Variants in ROBO2 observed in about 807,000 individuals in gnomAD.
ROBO2 encodes roundabout homolog 2.
ROBO2 carries 53 observed loss-of-function variants against 160.8 expected under a neutral mutation model. That is an observed-to-expected ratio of 0.33 (90% CI 0.26 to 0.41). The LOEUF (loss-of-function observed/expected upper bound fraction) is 0.41. ROBO2 is among the 10% of genes least tolerant of loss of function. ROBO2 has a pLI of 1.00. For synonymous variants in ROBO2, 664 were observed against 611.7 expected (o/e 1.09, Z -1.26); for missense variants, 1,577 against 1,722.4 (o/e 0.92, Z 1.49).
At chr3:76,435,318 C>G in intron 2 of ROBO2, 2 of 846,230 alleles carry the variant, frequency 2.4e-6, no homozygotes, top group Non-Finnish European at 4.2e-6. Flanking sequence ...GATGAACACC[C>G]TCATTCCTAC....
chr3:76,530,943 C>G (rs1021828968), intron 2 of ROBO2, among the ~76,000 whole-genome samples: 3 of 152,174 alleles, frequency 2.0e-5, no homozygotes, highest in Non-Finnish European at 4.4e-5. Context: ...ACTTCCCACG[C>G]TTGTATCCCC....
At chr3:76,470,164 C>A (rs1577415971) in intron 2 of ROBO2, among the ~76,000 whole-genome samples, 1 of 152,106 alleles carries the variant, frequency 6.6e-6, no homozygotes. Context: ...GTATGGCTGC[C>A]TTGGAGGTCT....
At chr3:77,229,502 A>T (rs1177822172) in intron 2 of ROBO2, among the ~76,000 whole-genome samples, 2 of 142,450 alleles carry the variant, frequency 1.4e-5, no homozygotes, top group African/African-American at 2.6e-5. Context: ...ACTAAAAATT[A>T]AAAAAAAATA....
intron 2 of ROBO2, among the ~76,000 whole-genome samples, chr3:76,666,040 A>G (rs941267934): frequency 1.5e-4 from 21 of 142,416 alleles, no homozygotes; most frequent in African/African-American, 5.4e-4. Context: ...TATTATATAT[A>G]TACTAGATAT....
At chr3:77,517,334 A>G (rs573114917) in intron 5 of ROBO2, among the ~76,000 whole-genome samples, 8 of 151,646 alleles carry the variant, frequency 5.3e-5, no homozygotes, top group Admixed American at 4.6e-4. Flanking sequence ...ACAAAGACAC[A>G]GAACTGGCTT....
chr3:76,167,691 T>C (rs1464713638), intron 2 of ROBO2, among the ~76,000 whole-genome samples: 1 of 152,220 alleles, frequency 6.6e-6, no homozygotes, highest in African/African-American at 2.4e-5. Context: ...CCTTTTATTA[T>C]AGTATTTAGA....
At chr3:77,147,542 TATTA>T (rs2077214603) in intron 2 of ROBO2, among the ~76,000 whole-genome samples, 1 of 152,220 alleles carries the variant, frequency 6.6e-6, no homozygotes, top group African/African-American at 2.4e-5. Context: ...AAATAAATTG[TATTA>T]ATTATTACCA....
At chr3:76,508,717 TATC>T (rs2080923538) in intron 2 of ROBO2, among the ~76,000 whole-genome samples, 1 of 152,208 alleles carries the variant, frequency 6.6e-6, no homozygotes, top group South Asian at 2.1e-4. Context: ...ACTTGAGGCT[TATC>T]ATATCATCCC....
At chr3:77,389,228 G>A (rs1560699240) in intron 2 of ROBO2, among the ~76,000 whole-genome samples, 1 of 152,332 alleles carries the variant, frequency 6.6e-6, no homozygotes, top group East Asian at 1.9e-4. Flanking sequence ...ACACGTGTGA[G>A]CCACCACGCC....
chr3:76,526,769 A>C (rs115816331), intron 2 of ROBO2, among the ~76,000 whole-genome samples: 2,230 of 152,160 alleles, frequency 0.015, 53 homozygotes, highest in African/African-American at 0.05. Context: ...GTGGTCTTGC[A>C]TGATTAATGT....
At chr3:76,593,585 C>A (rs562664813) in intron 2 of ROBO2, among the ~76,000 whole-genome samples, 3 of 152,000 alleles carry the variant, frequency 2.0e-5, no homozygotes, top group Non-Finnish European at 4.4e-5. Flanking sequence ...TAATGGTTTT[C>A]AGAAATTAAG....
At chr3:77,610,433 A>G (rs2094605278) in intron 21 of ROBO2, among the ~76,000 whole-genome samples, 1 of 152,164 alleles carries the variant, frequency 6.6e-6, no homozygotes, top group Non-Finnish European at 1.5e-5. Context: ...TAGCTGAGCA[A>G]TGTGGAAGAA....
intron 2 of ROBO2, among the ~76,000 whole-genome samples, chr3:77,103,394 CAT>C (rs1421964960): frequency 7.3e-6 from 1 of 137,518 alleles, no homozygotes; most frequent in Non-Finnish European, 1.5e-5. Context: ...TCAGGGGTCA[CAT>C]AGAAACCAAT....
chr3:77,606,079 A>G (rs1036278228), intron 20 of ROBO2, among the ~76,000 whole-genome samples: 5 of 152,232 alleles, frequency 3.3e-5, no homozygotes, highest in African/African-American at 1.2e-4. Flanking sequence ...CAAACATTAC[A>G]GATGTATATT....
At chr3:76,602,210 G>A (rs537122489) in intron 2 of ROBO2, among the ~76,000 whole-genome samples, 1 of 152,030 alleles carries the variant, frequency 6.6e-6, no homozygotes, top group Non-Finnish European at 1.5e-5. Flanking sequence ...ACATTTTTCT[G>A]TCTTCTTCTG....
chr3:76,270,653 G>A (rs1409589940), intron 2 of ROBO2, among the ~76,000 whole-genome samples: 1 of 152,014 alleles, frequency 6.6e-6, no homozygotes, highest in Non-Finnish European at 1.5e-5. Context: ...CAAAAGCAAT[G>A]TTGGATAAAT....
intron 5 of ROBO2, among the ~76,000 whole-genome samples, chr3:77,502,346 A>G (rs976736575): frequency 6.6e-6 from 1 of 152,176 alleles, no homozygotes; most frequent in African/African-American, 2.4e-5. Context: ...GAAAATTTTT[A>G]TTATAAGGAC....
At chr3:77,609,791 C>CAT (rs34908269) in intron 21 of ROBO2, among the ~76,000 whole-genome samples, 3,672 of 143,632 alleles carry the variant, frequency 0.026, 57 homozygotes, top group South Asian at 0.032. Flanking sequence ...TTTATATATA[C>CAT]ATATATATAT....
chr3:76,699,814 C>G (rs1366724628), intron 2 of ROBO2, among the ~76,000 whole-genome samples: 1 of 152,088 alleles, frequency 6.6e-6, no homozygotes, highest in Non-Finnish European at 1.5e-5. Context: ...CTTCCTCCCC[C>G]TGTTTCCTCT....
Sources: gnomAD v4.1 joint callset for allele counts (sites outside exome capture counted in the v4.1 genomes callset) on GRCh38, gnomAD v4.1.1 for gene constraint, MANE v1.5 for transcripts, NCBI Gene and HGNC (gene_info 2026-07-23, HGNC 2026-07-21) for gene names.